The following CD48 variants were observed in gnomAD, a reference collection of about 807,000 sequenced individuals.
CD48 encodes CD48 antigen.
In CD48, 20 loss-of-function variants were observed where a neutral mutation model predicts 22.0. That is an observed-to-expected ratio of 0.91 (90% CI 0.64 to 1.32). CD48 has a LOEUF of 1.32. Among genes scored for constraint, CD48 ranks in the 40% most tolerant of loss-of-function variants. The pLI is 0.00. For synonymous variants in CD48, 110 were observed against 110.1 expected (o/e 1.00, Z 0.01); for missense variants, 307 against 286.5 (o/e 1.07, Z -0.52).
At chr1:160,704,555 G>A (rs1437384005) in intron 1 of CD48, among the ~76,000 whole-genome samples, 1 of 152,242 alleles carries the variant, frequency 6.6e-6, no homozygotes, top group Non-Finnish European at 1.5e-5. Context: ...GTGGGAAGCA[G>A]AGGAGAAAGC....
intron 1 of CD48, among the ~76,000 whole-genome samples, chr1:160,692,881 G>A (rs972878778): frequency 2.4e-4 from 37 of 152,276 alleles, no homozygotes; most frequent in African/African-American, 8.9e-4. Context: ...CCCCTTATAT[G>A]AGGACATTAT....
chr1:160,679,724 A>G (rs1234730062), intron 3 of CD48, among the ~76,000 whole-genome samples: 1 of 152,162 alleles, frequency 6.6e-6, no homozygotes, highest in Non-Finnish European at 1.5e-5. Context: ...AATTTCGGTG[A>G]CTAAAAAGTG....
chr1:160,680,500 A>G (rs1661753704), intron 3 of CD48: 11 of 832,948 alleles, frequency 1.3e-5, no homozygotes, highest in African/African-American at 1.8e-5. Flanking sequence ...CTAGTAAGTG[A>G]CAGTCCTAGA....
In CD48 at chr1:160,711,819, A is replaced by G. The variant is rs1662964506; in HGVS notation, c.-56T>C. ...GAGACAGTTGAGAGCCTGGCTAGAA[A>G]AAGGCCGGGGCTAAAAACGGAACTT... On this transcript the variant is annotated 5_prime_UTR_variant, in exon 1 of 4. Transcript: ENST00000368046. 2.3e-6 allele frequency: 3 copies of G among 1,332,204 alleles called. No individual in the cohort carries two copies. In the South Asian group the frequency reaches 3.5e-5, roughly 16 times the overall value. The allele number at this position is 1,332,204 out of a possible 1,614,324, so 82.5% of individuals were successfully genotyped here.
intron 1 of CD48, chr1:160,698,849 G>A (rs1662523047): frequency 6.6e-6 from 1 of 152,610 alleles, no homozygotes. Flanking sequence ...AGGAGTTGCT[G>A]ATGGCCTCGC....
chr1:160,711,534 C>T, intron 1 of CD48, 148 bp downstream of exon 1: 1 of 630,104 alleles, frequency 1.6e-6, no homozygotes, highest in Admixed American at 2.6e-5. Context: ...GGCTCCCCAA[C>T]CATGCCATGG....
At chr1:160,684,359 A>G (rs1661912559) in intron 2 of CD48, 1 of 168,536 alleles carries the variant, frequency 5.9e-6, no homozygotes, top group African/African-American at 2.4e-5. Flanking sequence ...GCAACTGACC[A>G]GTTTTGAACC....
chr1:160,688,349 G>C (rs562228158), intron 1 of CD48, among the ~76,000 whole-genome samples: 3 of 152,134 alleles, frequency 2.0e-5, no homozygotes, highest in African/African-American at 7.2e-5. Context: ...GGGAGGATTC[G>C]CAAGGTCTAG....
At position 160,694,337 on chromosome 1, in the gene CD48, C is replaced by G. The variant is rs184476008; in HGVS notation, c.83-9148G>C. 1.8e-3 allele frequency among the ~76,000 whole-genome samples: 269 copies of G among 152,240 alleles called. 2 individuals are homozygous for G. Among genetic ancestry groups the G allele is most frequent in the African/African-American group, 6.0e-3 (250 of 41,530 alleles). On this transcript the variant is annotated intron_variant, in intron 1 of 3. Coordinates refer to ENST00000368046, the MANE Select transcript of CD48 (RefSeq NM_001778.4). The stretch of plus-strand genomic sequence containing the variant: ...CAGACCTGTGTGTAAGGCCGTTATT[C>G]AAGGAAAACAGCTTGAAGGATTGGT...
chr1:160,679,913 A>C (rs890622422), intron 3 of CD48, among the ~76,000 whole-genome samples: 91 of 152,336 alleles, frequency 6.0e-4, no homozygotes, highest in African/African-American at 2.1e-3. Context: ...TTGTGTTCTC[A>C]TGGTCAGATA....
rs1408671274 is a variant in CD48 at position 160,700,928 on chromosome 1, A to G, written c.82+10754T>C. ...ATAACACAGCAGCTCAAAATTTGGT[A>G]ACAGTCAATTCTTTATCAGTGGGGG... On this transcript the variant is annotated intron_variant, in intron 1 of 3. Coordinates refer to ENST00000368046, the MANE Select transcript of CD48 (RefSeq NM_001778.4). Among the ~76,000 whole-genome samples, 4 of 152,228 alleles carry G rather than the reference A, an allele frequency of 2.6e-5. No individual in the cohort carries two copies. The East Asian group carries it at 7.7e-4, about 29-fold the overall frequency.
At chr1:160,680,000 A>G (rs1305476299) in intron 3 of CD48, among the ~76,000 whole-genome samples, 2 of 152,190 alleles carry the variant, frequency 1.3e-5, no homozygotes, top group Admixed American at 6.5e-5. Context: ...AGGGCCAATT[A>G]GTTAGGAAGA....
intron 3 of CD48, 182 bp downstream of exon 3, chr1:160,681,020 T>TA: frequency 6.8e-7 from 1 of 1,468,030 alleles, no homozygotes; most frequent in South Asian, 1.4e-5. Context: ...GAAGTTGAGG[T>TA]AAGCTGGCTG....
intron 1 of CD48, among the ~76,000 whole-genome samples, chr1:160,702,705 A>G (rs928905646): frequency 2.0e-5 from 3 of 152,232 alleles, no homozygotes; most frequent in Middle Eastern, 3.4e-3. Flanking sequence ...TAATGGGACC[A>G]GTTTGGTTGG....
rs115579283 is a variant in CD48, at chr1:160,706,501, T to C, written c.82+5181A>G. Among the ~76,000 whole-genome samples the C allele has an allele frequency of 8.1e-3, 1,235 of 152,320 alleles. 16 individuals are homozygous for C. Among genetic ancestry groups the C allele is most frequent in the African/African-American group, 0.028 (1,174 of 41,558 alleles). ...GTCCTGATGGTTGGCTGTAACTTCT[T>C]ACCGAGAAATAAAGAAGTGATTAAC... On this transcript the variant is annotated intron_variant, in intron 1 of 3. Coordinates refer to ENST00000368046, the MANE Select transcript of CD48 (RefSeq NM_001778.4).
At chr1:160,693,297 C>T (rs796873257) in intron 1 of CD48, among the ~76,000 whole-genome samples, 6,466 of 105,904 alleles carry the variant, frequency 0.061, no homozygotes, top group South Asian at 0.093. Flanking sequence ...AGTGAAAAAG[C>T]CCGTAAGGTC....
At chr1:160,697,027 T>G (rs1393274232) in intron 1 of CD48, among the ~76,000 whole-genome samples, 3 of 151,930 alleles carry the variant, frequency 2.0e-5, no homozygotes, top group African/African-American at 7.3e-5. Context: ...AGTGTACCAC[T>G]CCTCAGATGC....
chr1:160,696,650 G>A (rs1284325870), intron 1 of CD48, among the ~76,000 whole-genome samples: 1 of 151,492 alleles, frequency 6.6e-6, no homozygotes, highest in African/African-American at 2.4e-5. Flanking sequence ...CCAGAGGTCT[G>A]TGTCCTAATG....
At chr1:160,709,719 C>T (rs915570993) in intron 1 of CD48, among the ~76,000 whole-genome samples, 1 of 152,172 alleles carries the variant, frequency 6.6e-6, no homozygotes, top group African/African-American at 2.4e-5. Context: ...GAACTACTTG[C>T]ACTTCTCAGG....
Sources: gnomAD v4.1 joint callset for allele counts (sites outside exome capture counted in the v4.1 genomes callset) on GRCh38, gnomAD v4.1.1 for gene constraint, MANE v1.5 for transcripts, NCBI Gene and HGNC (gene_info 2026-07-23, HGNC 2026-07-21) for gene names.